The following SKAP1 variants were observed in gnomAD, a reference collection of about 807,000 sequenced individuals.
SKAP1 encodes the protein src kinase associated phosphoprotein 1.
In SKAP1, 44 loss-of-function variants were observed where a neutral mutation model predicts 58.5. That is an observed-to-expected ratio of 0.75 (90% confidence interval 0.59 to 0.97). The LOEUF is 0.97. Among genes scored for constraint, SKAP1 ranks in the 50% least tolerant of loss-of-function variants. SKAP1 has a pLI of 0.00. For missense variants in SKAP1, 390 were observed against 435.2 expected, an observed-to-expected ratio of 0.90 and a Z score of 0.92; for synonymous variants, 127 against 149.7, an observed-to-expected ratio of 0.85 and a Z score of 1.11.
At chr17:48,292,306 T>C (rs2065908562) in intron 4 of SKAP1, among the ~76,000 whole-genome samples, 1 of 152,136 alleles carries the variant, frequency 6.6e-6, no homozygotes, top group Non-Finnish European at 1.5e-5. Context: ...TAGTCATTGA[T>C]GTTAACAACT....
At chr17:48,391,169 T>C (rs1239120710) in intron 2 of SKAP1, among the ~76,000 whole-genome samples, 1 of 152,130 alleles carries the variant, frequency 6.6e-6, no homozygotes, top group Non-Finnish European at 1.5e-5. Context: ...AATGAAAATA[T>C]AAAAGGTATG....
At chr17:48,183,846 A>G (rs987853937) in intron 7 of SKAP1, among the ~76,000 whole-genome samples, 5 of 152,172 alleles carry the variant, frequency 3.3e-5, no homozygotes, top group African/African-American at 4.8e-5. Context: ...AATAAAAAAG[A>G]AGAATGCTGA....
intron 11 of SKAP1, among the ~76,000 whole-genome samples, chr17:48,138,951 C>T (rs2063736020): frequency 1.3e-5 from 2 of 151,562 alleles, no homozygotes; most frequent in South Asian, 4.2e-4. Flanking sequence ...TGCAGTGGCA[C>T]AATCTTGGGT....
chr17:48,231,136 C>T (rs1007913346), intron 4 of SKAP1, among the ~76,000 whole-genome samples: 4 of 152,156 alleles, frequency 2.6e-5, no homozygotes, highest in Non-Finnish European at 5.9e-5. Context: ...TACAAATCAG[C>T]TGCATTTGCA....
At chr17:48,404,548 A>G (rs2067545516) in intron 1 of SKAP1, among the ~76,000 whole-genome samples, 1 of 152,208 alleles carries the variant, frequency 6.6e-6, no homozygotes, top group South Asian at 2.1e-4. Flanking sequence ...AGGAAAATAT[A>G]TACTAAATTA....
At chr17:48,293,337 T>C (rs941595592) in intron 4 of SKAP1, among the ~76,000 whole-genome samples, 1 of 152,210 alleles carries the variant, frequency 6.6e-6, no homozygotes, top group Admixed American at 6.5e-5. Flanking sequence ...TTCAGAACTA[T>C]GTGTGGTGAG....
intron 11 of SKAP1, among the ~76,000 whole-genome samples, chr17:48,144,662 C>A (rs2063807314): frequency 6.6e-6 from 1 of 152,200 alleles, no homozygotes; most frequent in Non-Finnish European, 1.5e-5. Context: ...CAGACCCCAG[C>A]TCTGAATGAA....
At chr17:48,425,002 G>A (rs2067840995) in intron 1 of SKAP1, among the ~76,000 whole-genome samples, 1 of 152,046 alleles carries the variant, frequency 6.6e-6, no homozygotes, top group Non-Finnish European at 1.5e-5. Flanking sequence ...ACTCATGCCT[G>A]TAATCCCAGC....
intron 4 of SKAP1, among the ~76,000 whole-genome samples, chr17:48,299,903 G>A (rs1164496022): frequency 3.9e-5 from 6 of 152,072 alleles, no homozygotes; most frequent in South Asian, 4.1e-4. Context: ...CTGGGTTTGC[G>A]GAATGATGAT....
At chr17:48,411,343 G>A (rs919893829) in intron 1 of SKAP1, among the ~76,000 whole-genome samples, 2 of 151,892 alleles carry the variant, frequency 1.3e-5, no homozygotes, top group African/African-American at 4.8e-5. Context: ...AGGTTGCAGT[G>A]AGCCGACATC....
At chr17:48,389,916 T>C (rs1291973741) in intron 2 of SKAP1, among the ~76,000 whole-genome samples, 3 of 152,206 alleles carry the variant, frequency 2.0e-5, no homozygotes, top group Non-Finnish European at 4.4e-5. Context: ...AATAGAAGTT[T>C]TAAGGTTTGG....
intron 11 of SKAP1, among the ~76,000 whole-genome samples, chr17:48,139,161 G>A (rs2063738842): frequency 1.3e-5 from 2 of 152,004 alleles, no homozygotes; most frequent in African/African-American, 4.8e-5. Context: ...TTACAGGTGT[G>A]AGCCACTGTG....
intron 4 of SKAP1, among the ~76,000 whole-genome samples, chr17:48,195,140 T>A (rs987872857): frequency 3.3e-5 from 5 of 152,252 alleles, no homozygotes; most frequent in African/African-American, 1.2e-4. Context: ...AATCTGTTCA[T>A]GAACCTCTCT....
At chr17:48,141,159 T>C (rs2063762699) in intron 11 of SKAP1, among the ~76,000 whole-genome samples, 1 of 152,140 alleles carries the variant, frequency 6.6e-6, no homozygotes, top group Non-Finnish European at 1.5e-5. Context: ...ATCCTCCATC[T>C]TCTTTCCGTT....
chr17:48,152,055 G>A (rs912506711), intron 11 of SKAP1, among the ~76,000 whole-genome samples: 1 of 152,042 alleles, frequency 6.6e-6, no homozygotes, highest in African/African-American at 2.4e-5. Flanking sequence ...TATCTTTAAC[G>A]TTTCATATGT....
At chr17:48,419,948 A>G (rs2067775647) in intron 1 of SKAP1, among the ~76,000 whole-genome samples, 1 of 152,136 alleles carries the variant, frequency 6.6e-6, no homozygotes, top group African/African-American at 2.4e-5. Context: ...AGACCACTCT[A>G]TTCCTGAGCT....
chr17:48,171,096 T>TTG (rs1555597098), intron 9 of SKAP1, among the ~76,000 whole-genome samples: 5 of 133,092 alleles, frequency 3.8e-5, no homozygotes, highest in Admixed American at 1.5e-4. Flanking sequence ...TACTGTTGTT[T>TTG]TTTTTTTTTT....
intron 4 of SKAP1, among the ~76,000 whole-genome samples, chr17:48,288,940 A>G (rs2065867509): frequency 6.6e-6 from 1 of 152,216 alleles, no homozygotes; most frequent in Non-Finnish European, 1.5e-5. Context: ...GCTTCAGGCA[A>G]TTGAACAGAG....
At chr17:48,165,886 C>G (rs1459578198) in intron 10 of SKAP1, among the ~76,000 whole-genome samples, 1 of 152,168 alleles carries the variant, frequency 6.6e-6, no homozygotes, top group Non-Finnish European at 1.5e-5. Context: ...GGACATTATT[C>G]CATCTAATTA....
Sources: gnomAD v4.1 joint callset for allele counts (sites outside exome capture counted in the v4.1 genomes callset) on GRCh38, gnomAD v4.1.1 for gene constraint, MANE v1.5 for transcripts, NCBI Gene and HGNC (gene_info 2026-07-23, HGNC 2026-07-21) for gene names.